Variants in NAV2 observed in about 807,000 individuals in gnomAD.
NAV2 encodes the protein neuron navigator 2.
Under a neutral mutation model 223.2 loss-of-function variants are expected in NAV2, and 54 were observed. That is an observed-to-expected ratio of 0.24 (90% CI 0.19 to 0.30). NAV2 has a LOEUF of 0.30. NAV2 is among the 10% of genes least tolerant of loss of function. NAV2 has a pLI of 1.00. For synonymous variants in NAV2, 1,279 were observed against 1,239.3 expected (o/e 1.03, Z -0.67); for missense variants, 2,806 against 3,147.5 (o/e 0.89, Z 2.60).
intron 1 of NAV2, among the ~76,000 whole-genome samples, chr11:19,390,088 T>TAC (rs1184606672): frequency 6.6e-6 from 1 of 152,230 alleles, no homozygotes. Flanking sequence ...GTGGATGGTT[T>TAC]ACATGTGAAG....
At chr11:19,652,838 A>C (rs1387721035) in intron 1 of NAV2, among the ~76,000 whole-genome samples, 1 of 152,218 alleles carries the variant, frequency 6.6e-6, no homozygotes, top group Non-Finnish European at 1.5e-5. Flanking sequence ...GCAGCTTTCC[A>C]TGGCAGCACA....
chr11:19,810,972 T>C (rs180972035), intron 1 of NAV2, among the ~76,000 whole-genome samples: 10 of 152,350 alleles, frequency 6.6e-5, no homozygotes, highest in Admixed American at 4.6e-4. Context: ...ATAGGCTCTG[T>C]GTCAGTTTTG....
intron 1 of NAV2, among the ~76,000 whole-genome samples, chr11:19,630,122 T>A (rs2047302812): frequency 6.6e-6 from 1 of 152,156 alleles, no homozygotes; most frequent in Non-Finnish European, 1.5e-5. Flanking sequence ...TCTGAGTCCC[T>A]AGTATACCCA....
At chr11:19,409,809 A>G (rs1850062869) in intron 1 of NAV2, among the ~76,000 whole-genome samples, 1 of 152,176 alleles carries the variant, frequency 6.6e-6, no homozygotes, top group South Asian at 2.1e-4. Flanking sequence ...GGTCACACGA[A>G]TCTTCTGTTG....
At chr11:19,884,371 TTCTC>T (rs1369552921) in intron 5 of NAV2, 1 of 1,611,258 alleles carries the variant, frequency 6.2e-7, no homozygotes, top group Non-Finnish European at 8.5e-7. Flanking sequence ...AGGTTAGACT[TTCTC>T]TGTGTCCTGC....
chr11:19,771,802 G>T (rs920615138), intron 1 of NAV2, among the ~76,000 whole-genome samples: 1 of 152,172 alleles, frequency 6.6e-6, no homozygotes. Context: ...CTTTCTGGGG[G>T]CGTATTCATT....
intron 1 of NAV2, among the ~76,000 whole-genome samples, chr11:19,401,705 G>C (rs1423978479): frequency 1.3e-5 from 2 of 152,186 alleles, no homozygotes; most frequent in Admixed American, 6.5e-5. Flanking sequence ...ATTCTTCTGA[G>C]CGTGAGCATG....
intron 1 of NAV2, among the ~76,000 whole-genome samples, chr11:19,642,256 C>CAGT (rs1305803871): frequency 6.6e-6 from 1 of 152,206 alleles, no homozygotes; most frequent in African/African-American, 2.4e-5. Flanking sequence ...AGGGAGGAGG[C>CAGT]CATTGTTCAA....
chr11:20,048,814 C>A lies in NAV2; in HGVS notation c.3989C>A (p.Ala1330Asp). ...KNSVVISNPH[A>D]TMTQQGNLDS... ...TCGGTGGTCATCTCCAATCCTCATGCCACCATGACTCAGCAAGGTAACCTA... is the reference window on the plus strand; with the variant it reads ...TCGGTGGTCATCTCCAATCCTCATGACACCATGACTCAGCAAGGTAACCTA... Residue 1330 changes from alanine to aspartate, a missense_variant, in exon 15 of 38, where the codon GCC becomes GAC. Ala to Asp is a moderately radical substitution (Grantham distance 126). This residue lies in a region of NAV2 where 742 missense variants were observed against 777.9 expected (regional missense o/e 0.95). Coordinates refer to ENST00000349880, the MANE Select transcript of NAV2 (RefSeq NM_145117.5). 6.2e-7 allele frequency: 1 copy of A among 1,614,136 alleles called. No individual in the cohort carries two copies. The highest frequency in any genetic ancestry group is 8.5e-7 in the Non-Finnish European group (1 of 1,180,014).
At chr11:20,017,249 C>CA (rs1169394071) in intron 11 of NAV2, among the ~76,000 whole-genome samples, 1 of 152,152 alleles carries the variant, frequency 6.6e-6, no homozygotes, top group Admixed American at 6.5e-5. Flanking sequence ...CTAATGTCCC[C>CA]ACACCCGCTT....
At chr11:19,942,266 G>A (rs952680517) in intron 8 of NAV2, among the ~76,000 whole-genome samples, 1 of 152,210 alleles carries the variant, frequency 6.6e-6, no homozygotes, top group Non-Finnish European at 1.5e-5. Context: ...ACCTAAGCAT[G>A]TCAGGTGGGT....
chr11:19,752,483 C>G (rs2053911098), intron 1 of NAV2, among the ~76,000 whole-genome samples: 1 of 152,106 alleles, frequency 6.6e-6, no homozygotes, highest in African/African-American at 2.4e-5. Context: ...TAATAATCAC[C>G]TGCAATCCCA....
Position 19,713,591 on chromosome 11 carries a change from G to A in NAV2, c.-105G>A. 1.4e-6 allele frequency: 2 copies of A among 1,413,988 alleles called. No homozygotes were observed. The highest frequency in any genetic ancestry group is 1.8e-6 in the Non-Finnish European group (2 of 1,082,598). 87.6% of individuals were successfully genotyped at this position (1,413,988 alleles called of 1,614,324 possible). A position where few individuals can be genotyped will look rare whatever the true frequency, so the allele number is the denominator to read the frequency against. On this transcript the variant is annotated 5_prime_UTR_variant, in exon 1 of 38. In the 5' UTR this introduces an upstream ATG that the reference lacks. Transcript: ENST00000349880. The surrounding 1 kb of genome is among the most constrained non-coding windows in gnomAD (Gnocchi z 7.2). Reference sequence around the variant, plus strand: ...TTTAGCCGCTGGTGGTGGGCGCCTCGTGGGCTAAGGCCCGGCGCCTGCTCT... The same window carrying A: ...TTTAGCCGCTGGTGGTGGGCGCCTCATGGGCTAAGGCCCGGCGCCTGCTCT...
intron 8 of NAV2, among the ~76,000 whole-genome samples, chr11:19,944,087 G>C (rs1396650439): frequency 6.6e-6 from 1 of 152,156 alleles, no homozygotes; most frequent in Non-Finnish European, 1.5e-5. Flanking sequence ...TGTTATCCCA[G>C]CTACTCAGGA....
intron 1 of NAV2, among the ~76,000 whole-genome samples, chr11:19,455,452 C>T (rs1288184172): frequency 6.6e-6 from 1 of 152,122 alleles, no homozygotes; most frequent in African/African-American, 2.4e-5. Flanking sequence ...AAATTCCATT[C>T]ATAGTATTTG....
intron 1 of NAV2, among the ~76,000 whole-genome samples, chr11:19,487,008 C>T (rs917973086): frequency 5.9e-5 from 9 of 152,154 alleles, no homozygotes; most frequent in Admixed American, 5.2e-4. Context: ...GAGTGGACTG[C>T]CTCTACCATT....
chr11:19,830,847 C>T (rs1030059665), intron 1 of NAV2, among the ~76,000 whole-genome samples: 8 of 152,174 alleles, frequency 5.3e-5, no homozygotes, highest in African/African-American at 1.9e-4. Flanking sequence ...ATGGGGTCTA[C>T]TTCCTGAGCC....
At chr11:19,508,932 T>C (rs991761583) in intron 1 of NAV2, among the ~76,000 whole-genome samples, 5 of 152,312 alleles carry the variant, frequency 3.3e-5, no homozygotes, top group African/African-American at 1.2e-4. Flanking sequence ...TACTAAGTGT[T>C]CAGGAGAAAG....
intron 1 of NAV2, among the ~76,000 whole-genome samples, chr11:19,706,623 T>C (rs2049671090): frequency 6.6e-6 from 1 of 152,190 alleles, no homozygotes; most frequent in Non-Finnish European, 1.5e-5. Flanking sequence ...AGCTACATCC[T>C]TCTTTGAAAC....
Sources: allele counts gnomAD v4.1 joint callset (sites outside exome capture counted in the v4.1 genomes callset), GRCh38; gene constraint gnomAD v4.1.1; regional missense constraint gnomAD v4.1.1; non-coding constraint Gnocchi (gnomAD v3.1); transcripts MANE v1.5; gene names NCBI Gene and HGNC (gene_info 2026-07-23, HGNC 2026-07-21).